The following ASPRV1 variants were observed in gnomAD, a reference collection of about 807,000 sequenced individuals.
ASPRV1 encodes retroviral-like aspartic protease 1.
In ASPRV1, 7 loss-of-function variants were observed where a neutral mutation model predicts 11.0. That is an observed-to-expected ratio of 0.64 (90% CI 0.36 to 1.20). ASPRV1 has a LOEUF of 1.20. Among genes scored for constraint, ASPRV1 ranks in the 50% most tolerant of loss-of-function variants. The pLI, the probability that ASPRV1 is intolerant of heterozygous loss-of-function variation, is 0.02. For synonymous variants in ASPRV1, 136 were observed against 138.4 expected (o/e 0.98, Z 0.12); for missense variants, 299 against 320.0 (o/e 0.93, Z 0.50).
chr2:70,018,054 C>T, the ASPRV1 span: 1 of 151,990 alleles, frequency 6.6e-6, no homozygotes, highest in African/African-American at 2.4e-5. Context: ...GCACGAGAAT[C>T]ACTTGATCCC....
the ASPRV1 span, among the ~76,000 whole-genome samples, chr2:69,948,913 A>G: frequency 6.6e-6 from 1 of 151,164 alleles, no homozygotes; most frequent in South Asian, 2.1e-4. Context: ...TCTTCCCTGG[A>G]CACCTGGGGG....
At chr2:69,962,981 C>T (rs1442700104), upstream of ASPRV1, 1 of 308,632 alleles carries the variant, frequency 3.2e-6, no homozygotes, top group African/African-American at 2.2e-5. Context: ...GATGGCACAC[C>T]TGTGGCTCTG....
chr2:70,084,981 A>T, the ASPRV1 span, among the ~76,000 whole-genome samples: 1 of 152,208 alleles, frequency 6.6e-6, no homozygotes, highest in Non-Finnish European at 1.5e-5. Context: ...TCATATCCAC[A>T]CACAATCAGA....
the ASPRV1 span, among the ~76,000 whole-genome samples, chr2:69,933,217 A>AC: frequency 2.0e-5 from 3 of 151,348 alleles, no homozygotes; most frequent in South Asian, 2.1e-4. Flanking sequence ...AAAAAAAAAA[A>AC]AAAAAAACAA....
chr2:70,052,110 A>G, the ASPRV1 span, among the ~76,000 whole-genome samples: 1 of 152,216 alleles, frequency 6.6e-6, no homozygotes. Context: ...AAGTTAGGCA[A>G]TAAGCAAATA....
chr2:70,039,040 T>G, the ASPRV1 span, among the ~76,000 whole-genome samples: 1 of 145,864 alleles, frequency 6.9e-6, no homozygotes, highest in Non-Finnish European at 1.5e-5. Flanking sequence ...GATCATGCCA[T>G]GGCACTCCAG....
the ASPRV1 span, among the ~76,000 whole-genome samples, chr2:70,000,788 CAAAAAAAAAAAAA>C: frequency 2.3e-3 from 95 of 42,044 alleles, no homozygotes; most frequent in African/African-American, 7.5e-3. Context: ...GACCCTGCCT[CAAAAAAAAAAAAA>C]AAAAAAAAAA....
At chr2:69,959,917 A>G (rs1678025522), downstream of ASPRV1, among the ~76,000 whole-genome samples, 1 of 152,188 alleles carries the variant, frequency 6.6e-6, no homozygotes, top group African/African-American at 2.4e-5. Flanking sequence ...TCTGGAGGGA[A>G]TAAGTCAAAA....
the ASPRV1 span, among the ~76,000 whole-genome samples, chr2:69,968,874 G>A: frequency 3.9e-5 from 6 of 152,286 alleles, no homozygotes; most frequent in East Asian, 3.9e-4. Context: ...CAGCATGGGC[G>A]TCTCCCAGGG....
chr2:70,047,746 G>A, the ASPRV1 span, among the ~76,000 whole-genome samples: 112 of 152,288 alleles, frequency 7.4e-4, no homozygotes, highest in African/African-American at 2.5e-3. Flanking sequence ...GAAGCCTCCC[G>A]AGAGGAGTTT....
At chr2:70,071,405 G>GT in the ASPRV1 span, among the ~76,000 whole-genome samples, 1 of 152,210 alleles carries the variant, frequency 6.6e-6, no homozygotes, top group African/African-American at 2.4e-5. Context: ...GAGTTTGCAT[G>GT]TGGAAGATGT....
the ASPRV1 span, among the ~76,000 whole-genome samples, chr2:69,946,382 C>A: frequency 6.6e-6 from 1 of 152,074 alleles, no homozygotes; most frequent in Non-Finnish European, 1.5e-5. Context: ...CCACCCTTAA[C>A]ACCCTCGGTG....
Position 69,961,543 on chromosome 2 carries a change from G to C in ASPRV1, c.-107C>G. ...GGAAAACGGGGCCTCTCGAAGCAGA[G>C]TGGGGATGACTTGCCCGGCCTTGGG... On this transcript the variant is annotated 5_prime_UTR_variant, in exon 1 of 1. Coordinates refer to ENST00000320256, the MANE Select transcript of ASPRV1 (RefSeq NM_152792.4). 6.2e-7 allele frequency: 1 copy of C among 1,614,128 alleles called. No individual in the cohort carries two copies. Among genetic ancestry groups the C allele is most frequent in the African/African-American group, 1.3e-5 (1 of 75,030 alleles).
chr2:69,978,926 T>TA, the ASPRV1 span, among the ~76,000 whole-genome samples: 1 of 152,232 alleles, frequency 6.6e-6, no homozygotes, highest in Non-Finnish European at 1.5e-5. Flanking sequence ...ATTATTTCCT[T>TA]AGATACTCAT....
At chr2:69,999,638 A>G in the ASPRV1 span, among the ~76,000 whole-genome samples, 2 of 144,818 alleles carry the variant, frequency 1.4e-5, no homozygotes, top group African/African-American at 2.6e-5. Flanking sequence ...CCTGAGTGAC[A>G]GAGCAAGACT....
At chr2:70,053,878 G>C in the ASPRV1 span, 1 of 152,206 alleles carries the variant, frequency 6.6e-6, no homozygotes, top group Non-Finnish European at 1.5e-5. Context: ...TTCAGCAGAG[G>C]AACCTCTTTC....
chr2:69,941,861 T>TACAC, the ASPRV1 span: 49 of 151,366 alleles, frequency 3.2e-4, no homozygotes, highest in African/African-American at 1.1e-3. Flanking sequence ...AGTATCTATA[T>TACAC]ATACACACAC....
Position 69,961,325 on chromosome 2 carries a change from C to A in ASPRV1, c.112G>T (p.Val38Phe). ...TCCCAATGGTTGAGGTCATTGATGA[C>A]TTCAAAGCTGTGCAGCCAGAGGTTT... ...VPNLWLHSFE[V>F]INDLNHWDHI... The change falls in exon 1 of 1, where the codon GTC becomes TTC. Residue 38 changes from valine to phenylalanine, a missense_variant. Val to Phe is a conservative substitution (Grantham distance 50). Coordinates refer to ENST00000320256, the MANE Select transcript of ASPRV1 (RefSeq NM_152792.4). The A allele has an allele frequency of 1.9e-6, 3 of 1,614,144 alleles. No homozygotes were observed. Among genetic ancestry groups the A allele is most frequent in the Non-Finnish European group, 2.5e-6 (3 of 1,180,042 alleles).
the ASPRV1 span, among the ~76,000 whole-genome samples, chr2:70,042,630 A>G: frequency 6.6e-6 from 1 of 152,226 alleles, no homozygotes; most frequent in Admixed American, 6.5e-5. Context: ...GTTCTTCCCT[A>G]CTGGAGACAC....
Sources: gnomAD v4.1 joint callset for allele counts (sites outside exome capture counted in the v4.1 genomes callset) on GRCh38, gnomAD v4.1.1 for gene constraint, MANE v1.5 for transcripts, NCBI Gene and HGNC (gene_info 2026-07-23, HGNC 2026-07-21) for gene names.